The following SETMAR variants were observed in gnomAD, a reference collection of about 807,000 sequenced individuals.
SETMAR encodes histone-lysine N-methyltransferase SETMAR.
Under a neutral mutation model 58.4 loss-of-function variants are expected in SETMAR, and 44 were observed. That is an observed-to-expected ratio of 0.75 (90% CI 0.59 to 0.97). SETMAR has a LOEUF of 0.97. Ranked by LOEUF, SETMAR falls within the 50% of genes least tolerant of loss-of-function variation. The pLI, the probability that SETMAR is intolerant of heterozygous loss-of-function variation, is 0.00. For missense variants in SETMAR, 903 were observed against 840.2 expected (o/e 1.07, Z -0.92); for synonymous variants, 332 against 307.4 (o/e 1.08, Z -0.84).
At chr3:4,314,353 T>G (rs78127250) in intron 2 of SETMAR, 1 of 152,188 alleles carries the variant, frequency 6.6e-6, no homozygotes, top group East Asian at 1.9e-4. Flanking sequence ...AAACCCTGCT[T>G]GCCAACCAAT....
intron 1 of SETMAR, chr3:4,303,734 T>G (rs1698055131): frequency 1.3e-6 from 2 of 1,495,152 alleles, no homozygotes; most frequent in Non-Finnish European, 1.8e-6. Context: ...GTGTTGTCCT[T>G]TTCAGTCCAT....
intron 1 of SETMAR, among the ~76,000 whole-genome samples, chr3:4,307,913 G>T (rs1698253426): frequency 1.3e-5 from 2 of 152,080 alleles, no homozygotes; most frequent in African/African-American, 4.8e-5. Flanking sequence ...ACCAGACATG[G>T]TGGTGCATGC....
chr3:4,316,046 CAAAAAAA>C (rs774059331), intron 2 of SETMAR, among the ~76,000 whole-genome samples, 159 bp from the exon 3 acceptor site: 14 of 76,886 alleles, frequency 1.8e-4, no homozygotes, highest in Admixed American at 2.9e-4. Context: ...GACTCTGTCT[CAAAAAAA>C]AAAAAAAAAA....
rs745369010 is a variant in SETMAR, at chr3:4,313,394, T to C, written c.653T>C (p.Ile218Thr). ...TFVDPTYIGN[I>T]GRFLNHSCEP... ...GTTGACCCTACTTATATAGGAAATA[T>C]TGGAAGATTCCTTAATCATTCTTGT... Residue 218 changes from isoleucine to threonine, a missense_variant, in exon 2 of 3, where the codon ATT (isoleucine) becomes ACT (threonine). Physicochemically the swap from Ile to Thr is moderately conservative, Grantham distance 89. Transcript: ENST00000358065. 1.1e-5 allele frequency: 17 copies of C among 1,613,850 alleles called. No homozygotes were observed. In the African/African-American group the frequency reaches 1.7e-4, roughly 16 times the overall value.
Position 4,317,165 on chromosome 3 carries a change from G to A in SETMAR, c.1974G>A (p.Thr658=), listed in dbSNP as rs369137030. 6.5e-6 allele frequency: 10 copies of A among 1,549,530 alleles called. No individual in the cohort carries two copies. In the Middle Eastern group the frequency reaches 5.6e-4, roughly 87 times the overall value. Residue 658 remains threonine, a synonymous_variant, in exon 3 of 3, where the codon ACG becomes ACA. Transcript: ENST00000358065. ...AAGAGTTCGTCGAATCCCAAAGCAC[G>A]GATTTTTACGCTACAGGAATAAACC... ...AFQEFVESQS[T]DFYATGINQL...
chr3:4,316,067 AAGT>A, intron 2 of SETMAR, 142 bp from the exon 3 acceptor site: 1 of 521,410 alleles, frequency 1.9e-6, no homozygotes, highest in Non-Finnish European at 3.4e-6. Context: ...AAAAAAAAAA[AAGT>A]AACAGTTTTT....
rs1698484484 is a variant in SETMAR at position 4,313,149 on chromosome 3, T to C, written c.408T>C (p.Gly136=). The part of the protein sequence containing the change: ...DHCRNRVVQK[G]LQFHFQVFKT... ...GCAGAAACAGAGTGGTCCAGAAAGG[T>C]CTACAGTTCCACTTCCAAGTGTTCA... The change falls in exon 2 of 3, where the codon GGT becomes GGC. Residue 136 remains glycine, a synonymous_variant. Transcript: ENST00000358065. The C allele has an allele frequency of 1.3e-5, 21 of 1,613,966 alleles. No homozygotes were observed. Among genetic ancestry groups the C allele is most frequent in the Non-Finnish European group, 1.7e-5 (20 of 1,179,952 alleles).
At position 4,313,593 on chromosome 3, in the gene SETMAR, G is replaced by A. The variant is rs777745528; in HGVS notation, c.852G>A (p.Arg284=). 1 of 1,614,084 alleles carries A rather than the reference G, an allele frequency of 6.2e-7. No individual in the cohort carries two copies. Among genetic ancestry groups the A allele is most frequent in the Non-Finnish European group, 8.5e-7 (1 of 1,179,978 alleles). Residue 284 remains arginine (R), a synonymous_variant, in exon 2 of 3, where the codon AGG becomes AGA. Transcript: ENST00000358065. ...AAAGGCTAGATCATGGGAAACTAAG[G>A]AAACCTTGTTACTGTGGTGCCAAAT... ...DKERLDHGKL[R]KPCYCGAKSC... is the part of the protein sequence containing the mutation.
intron 1 of SETMAR, among the ~76,000 whole-genome samples, chr3:4,308,776 C>T (rs1698291122): frequency 6.6e-6 from 1 of 152,236 alleles, no homozygotes; most frequent in East Asian, 1.9e-4. Flanking sequence ...TCTAGTCTAA[C>T]CTCCTAATTG....
At chr3:4,316,109 G>A (rs1698632114) in intron 2 of SETMAR, 103 bp from the exon 3 acceptor site, 2 of 530,984 alleles carry the variant, frequency 3.8e-6, no homozygotes, top group Admixed American at 3.2e-5. Context: ...ATTTGATATT[G>A]GAATACATTC....
chr3:4,303,783 G>A, intron 1 of SETMAR: 1 of 1,438,370 alleles, frequency 7.0e-7, no homozygotes, highest in Non-Finnish European at 9.3e-7. Flanking sequence ...TGAGAACCTG[G>A]CTTTTTGTCC....
intron 1 of SETMAR, among the ~76,000 whole-genome samples, chr3:4,311,576 C>T (rs1698405602): frequency 6.6e-6 from 1 of 152,196 alleles, no homozygotes; most frequent in South Asian, 2.1e-4. Flanking sequence ...AAAGTCAATG[C>T]CACTTCTGAA....
intron 2 of SETMAR, chr3:4,313,987 GT>G (rs1698533810): frequency 2.5e-6 from 2 of 788,862 alleles, no homozygotes; most frequent in Admixed American, 3.1e-5. Flanking sequence ...CTTAGTGACT[GT>G]TCTAGTTAAT....
At chr3:4,303,671 C>T (rs1019291341) in intron 1 of SETMAR, 145 bp downstream of exon 1, 4 of 1,486,020 alleles carry the variant, frequency 2.7e-6, no homozygotes, top group Non-Finnish European at 2.7e-6. Context: ...AATAGGTGTG[C>T]ATGCCCCGGC....
At position 4,316,585 on chromosome 3, in the gene SETMAR, C is replaced by T. The variant is rs1206271641; in HGVS notation, c.1394C>T (p.Thr465Ile). The T allele has an allele frequency of 1.1e-5, 17 of 1,551,642 alleles. No individual in the cohort carries two copies. The highest frequency in any genetic ancestry group is 1.3e-5 in the Non-Finnish European group (15 of 1,147,022). Residue 465 changes from threonine (T) to isoleucine (I), a missense_variant, in exon 3 of 3, where the codon ACT becomes ATT. Coordinates refer to ENST00000358065, the MANE Select transcript of SETMAR (RefSeq NM_006515.4). ...GATAAGTGGGTGCCTCATGAGCTGA[C>T]TGAAAATCAAAAAAATCGTCGTTTT... ...KLDKWVPHEL[T>I]ENQKNRRFEV...
chr3:4,303,563 G>A lies in SETMAR; in HGVS notation c.156+37G>A, dbSNP rs1420958195. On this transcript the variant is annotated intron_variant, in intron 1 of 2. Coordinates refer to ENST00000358065, the MANE Select transcript of SETMAR (RefSeq NM_006515.4). ...GCCAGGCGGCGCGGGAGGCGGGCGCGCGGCTCCCCCACGTGGTCTCCTCAA... is the reference window on the plus strand; with the variant it reads ...GCCAGGCGGCGCGGGAGGCGGGCGCACGGCTCCCCCACGTGGTCTCCTCAA... 5 of 1,338,136 alleles carry A rather than the reference G, an allele frequency of 3.7e-6. No homozygotes were observed. In the African/African-American group the frequency reaches 7.8e-5, roughly 21 times the overall value. 82.9% of individuals were successfully genotyped at this position (1,338,136 alleles called of 1,614,324 possible).
intron 1 of SETMAR, among the ~76,000 whole-genome samples, chr3:4,312,146 T>C (rs2125094879): frequency 6.6e-6 from 1 of 152,360 alleles, no homozygotes; most frequent in African/African-American, 2.4e-5. Context: ...ATTTAAGAAA[T>C]AGCATTTTTG....
intron 1 of SETMAR, among the ~76,000 whole-genome samples, chr3:4,305,046 GT>G (rs1253388213): frequency 6.6e-6 from 1 of 152,158 alleles, no homozygotes; most frequent in African/African-American, 2.4e-5. Context: ...AATTGGTTGA[GT>G]TTGTCTGAAG....
intron 1 of SETMAR, 53 bp downstream of exon 1, chr3:4,303,579 G>C (rs972634337): frequency 2.5e-4 from 341 of 1,346,232 alleles, no homozygotes; most frequent in Non-Finnish European, 3.2e-4. Flanking sequence ...CCCCCACGTG[G>C]TCTCCTCAAG....
Sources: gnomAD v4.1 joint callset for allele counts (sites outside exome capture counted in the v4.1 genomes callset) on GRCh38, gnomAD v4.1.1 for gene constraint, MANE v1.5 for transcripts, NCBI Gene and HGNC (gene_info 2026-07-23, HGNC 2026-07-21) for gene names.